PHKB: variants seen among roughly 807,000 people sequenced by gnomAD.
The protein encoded by PHKB is phosphorylase kinase regulatory subunit beta.
Under a neutral mutation model 152.1 loss-of-function variants are expected in PHKB, and 122 were observed. That is an observed-to-expected ratio of 0.80 (90% CI 0.69 to 0.93). The LOEUF is 0.93. PHKB is among the 40% of genes least tolerant of loss of function. The pLI, the probability that PHKB is intolerant of heterozygous loss-of-function variation, is 0.00. For synonymous variants in PHKB, 436 were observed against 464.9 expected (o/e 0.94, Z 0.80); for missense variants, 1,304 against 1,328.4 (o/e 0.98, Z 0.29).
intron 1 of PHKB, among the ~76,000 whole-genome samples, chr16:47,479,794 A>G (rs1364771277): frequency 6.6e-6 from 1 of 152,174 alleles, no homozygotes; most frequent in East Asian, 1.9e-4. Context: ...TGCATCCCTG[A>G]TTCCCACTGG....
At chr16:47,535,857 C>G (rs989447088) in intron 6 of PHKB, among the ~76,000 whole-genome samples, 1 of 152,216 alleles carries the variant, frequency 6.6e-6, no homozygotes, top group Non-Finnish European at 1.5e-5. Context: ...TGTTCTAGCT[C>G]TTTCCAATTA....
At position 47,700,603 on chromosome 16, in the gene PHKB, T is replaced by C. The variant is rs1974231869; in HGVS notation, c.*1237T>C. ...ATTATACACATTTAGTTGCCCAGTT[T>C]ACTTAAACTTTAATGAAAGTAGAAA... On this transcript the variant is annotated 3_prime_UTR_variant, in exon 31 of 31. Transcript: ENST00000323584. The C allele has an allele frequency of 6.6e-6, 1 of 152,060 alleles. No homozygotes were observed. Among genetic ancestry groups the C allele is most frequent in the African/African-American group, 2.4e-5 (1 of 41,426 alleles). 9.4% of individuals were successfully genotyped at this position (152,060 alleles called of 1,614,324 possible). A position where few individuals can be genotyped will look rare whatever the true frequency, so the allele number is the denominator to read the frequency against.
At chr16:47,608,331 C>G (rs1360039307) in intron 13 of PHKB, among the ~76,000 whole-genome samples, 1 of 152,144 alleles carries the variant, frequency 6.6e-6, no homozygotes, top group Non-Finnish European at 1.5e-5. Context: ...ACTCTTTGAT[C>G]TATTTTGAGT....
chr16:47,505,459 C>T (rs550515865), intron 4 of PHKB: 1 of 152,302 alleles, frequency 6.6e-6, no homozygotes, highest in Non-Finnish European at 1.5e-5. Flanking sequence ...CCTGAACGCC[C>T]TATCTCGTCT....
In PHKB at chr16:47,657,037, C is replaced by T. The variant is rs192154539; in HGVS notation, c.1972-3469C>T. 5.3e-5 allele frequency among the ~76,000 whole-genome samples: 8 copies of T among 152,024 alleles called. No individual in the cohort carries two copies. The East Asian group carries it at 1.5e-3, about 29-fold the overall frequency. On this transcript the variant is annotated intron_variant, in intron 20 of 30. Coordinates refer to ENST00000323584, the MANE Select transcript of PHKB (RefSeq NM_000293.3). ...ATTTTACAGCTTAGGTGACTGTTTCCTCTTTAGTGAAGCCTCGGGGACTGG... is the reference window on the plus strand; with the variant it reads ...ATTTTACAGCTTAGGTGACTGTTTCTTCTTTAGTGAAGCCTCGGGGACTGG...
At chr16:47,493,362 T>C (rs1336796696) in intron 1 of PHKB, among the ~76,000 whole-genome samples, 1 of 152,254 alleles carries the variant, frequency 6.6e-6, no homozygotes, top group African/African-American at 2.4e-5. Flanking sequence ...TCAGAACCTC[T>C]TTTAGAAACT....
At chr16:47,682,933 A>T (rs899919994) in intron 26 of PHKB, among the ~76,000 whole-genome samples, 1 of 152,098 alleles carries the variant, frequency 6.6e-6, no homozygotes, top group Non-Finnish European at 1.5e-5. Context: ...GATGTACAGA[A>T]GGGTTTTTGG....
chr16:47,504,670 G>A (rs945099934), intron 4 of PHKB, among the ~76,000 whole-genome samples: 3 of 152,148 alleles, frequency 2.0e-5, no homozygotes, highest in East Asian at 1.9e-4. Context: ...CATGTGCCCC[G>A]TTTTTTTCCT....
chr16:47,519,781 C>A (rs1284055247), intron 6 of PHKB, among the ~76,000 whole-genome samples: 2 of 152,220 alleles, frequency 1.3e-5, no homozygotes, highest in Admixed American at 1.3e-4. Flanking sequence ...TGATCAGGAG[C>A]CAGCCTGCTA....
intron 7 of PHKB, among the ~76,000 whole-genome samples, chr16:47,579,118 A>G (rs757623688): frequency 1.3e-5 from 2 of 152,118 alleles, no homozygotes; most frequent in Non-Finnish European, 2.9e-5. Context: ...TGTTTGTTTT[A>G]TATGTAATGT....
intron 6 of PHKB, among the ~76,000 whole-genome samples, chr16:47,525,956 G>A (rs140969087): frequency 4.7e-4 from 72 of 152,280 alleles, no homozygotes; most frequent in South Asian, 4.6e-3. Context: ...TCCTGTATAC[G>A]GGTTTTCTCA....
chr16:47,608,545 C>T (rs1972369475), intron 13 of PHKB, among the ~76,000 whole-genome samples: 1 of 152,120 alleles, frequency 6.6e-6, no homozygotes, highest in Non-Finnish European at 1.5e-5. Flanking sequence ...AACCTTGTCT[C>T]TACAAAAAAC....
chr16:47,596,258 A>G, intron 12 of PHKB, 115 bp from the exon 13 acceptor site: 2 of 753,692 alleles, frequency 2.7e-6, no homozygotes, highest in East Asian at 5.4e-5. Flanking sequence ...CTGTGAGGCC[A>G]TTAAAACTCC....
intron 5 of PHKB, among the ~76,000 whole-genome samples, chr16:47,513,910 A>G (rs1167644191): frequency 1.3e-5 from 2 of 152,148 alleles, no homozygotes; most frequent in Non-Finnish European, 2.9e-5. Context: ...GGTTTTTAGT[A>G]TATTCAGAGT....
In PHKB at chr16:47,497,481, C is replaced by T; in HGVS notation, c.159C>T (p.Tyr53=). The T allele has an allele frequency of 6.3e-7, 1 of 1,595,102 alleles. No individual in the cohort carries two copies. ...TCTGGGATAAGTTGGACCATTATTA[C>T]AGAATTGGTGAGTAAAACCTGAGGA... The part of the protein sequence containing the change: ...ETLWDKLDHY[Y]RIVKSTLLLY... The change falls in exon 2 of 31, where the codon TAC becomes TAT. Residue 53 remains tyrosine, a synonymous_variant. Coordinates refer to ENST00000323584, the MANE Select transcript of PHKB (RefSeq NM_000293.3).
At chr16:47,516,052 A>G (rs985308052) in intron 6 of PHKB, among the ~76,000 whole-genome samples, 3 of 151,346 alleles carry the variant, frequency 2.0e-5, no homozygotes, top group Admixed American at 6.6e-5. Context: ...CTCAGCCTCC[A>G]AAGTATCTGG....
chr16:47,576,987 TTTTA>T (rs1176606540), intron 7 of PHKB, among the ~76,000 whole-genome samples: 4 of 152,186 alleles, frequency 2.6e-5, no homozygotes, highest in Non-Finnish European at 5.9e-5. Context: ...CCATTTTCTT[TTTTA>T]TTTGTCTTTT....
chr16:47,514,776 A>G (rs1970568248), intron 5 of PHKB, among the ~76,000 whole-genome samples: 1 of 152,212 alleles, frequency 6.6e-6, no homozygotes. Context: ...ACCTGAGACA[A>G]TTCACACATC....
At chr16:47,591,882 C>T (rs1252992568) in intron 10 of PHKB, among the ~76,000 whole-genome samples, 1 of 152,162 alleles carries the variant, frequency 6.6e-6, no homozygotes, top group Admixed American at 6.5e-5. Context: ...GATTTAGCCT[C>T]CTAAAAATCC....
Sources: allele counts gnomAD v4.1 joint callset (sites outside exome capture counted in the v4.1 genomes callset), GRCh38; gene constraint gnomAD v4.1.1; transcripts MANE v1.5; gene names NCBI Gene and HGNC (gene_info 2026-07-23, HGNC 2026-07-21).